The following LINGO2 variants were observed in gnomAD, a reference collection of about 807,000 sequenced individuals.
LINGO2 encodes the protein leucine-rich repeat and immunoglobulin-like domain-containing nogo receptor-interacting protein 2.
In LINGO2, 14 loss-of-function variants were observed where a neutral mutation model predicts 30.6. The ratio of observed to expected loss-of-function variants is 0.46; its 90% confidence interval spans 0.30 to 0.72. The LOEUF is 0.72. Among genes scored for constraint, LINGO2 ranks in the 30% least tolerant of loss-of-function variants. The pLI is 0.07. For synonymous variants in LINGO2, 317 were observed against 288.5 expected, an observed-to-expected ratio of 1.10 and a Z score of -1.00; for missense variants, 729 against 751.7, an observed-to-expected ratio of 0.97 and a Z score of 0.35.
At chr9:28,940,921 C>T in the LINGO2 span, among the ~76,000 whole-genome samples, 4 of 151,672 alleles carry the variant, frequency 2.6e-5, no homozygotes, top group African/African-American at 4.8e-5. Flanking sequence ...GTACTTTCTG[C>T]TTTAAATGCC....
intron 2 of LINGO2, among the ~76,000 whole-genome samples, chr9:28,425,371 G>C (rs1265281700): frequency 6.7e-6 from 1 of 149,186 alleles, no homozygotes; most frequent in Non-Finnish European, 1.5e-5. Context: ...ACATATATTG[G>C]CTCAATTATC....
chr9:28,920,127 G>C, the LINGO2 span, among the ~76,000 whole-genome samples: 2 of 151,982 alleles, frequency 1.3e-5, no homozygotes, highest in African/African-American at 4.8e-5. Context: ...TAGATTCTCA[G>C]AAGTGAAATT....
At chr9:28,620,183 T>C (rs890660320) in intron 1 of LINGO2, among the ~76,000 whole-genome samples, 2 of 152,100 alleles carry the variant, frequency 1.3e-5, no homozygotes, top group African/African-American at 2.4e-5. Flanking sequence ...ATACTCTGCA[T>C]TGTTTTCTTC....
At chr9:28,512,669 ATATCTATC>A (rs35627400) in intron 1 of LINGO2, among the ~76,000 whole-genome samples, 20 of 126,922 alleles carry the variant, frequency 1.6e-4, no homozygotes, top group South Asian at 1.3e-3. Flanking sequence ...ACACATATGG[ATATCTATC>A]TATCTATCTA....
intron 1 of LINGO2, among the ~76,000 whole-genome samples, chr9:28,489,732 C>A (rs1381937579): frequency 1.3e-5 from 2 of 151,122 alleles, no homozygotes; most frequent in Non-Finnish European, 3.0e-5. Flanking sequence ...TCTGTCTCGA[C>A]TAAAAAAACA....
chr9:28,863,142 T>C, the LINGO2 span, among the ~76,000 whole-genome samples: 183 of 152,248 alleles, frequency 1.2e-3, no homozygotes, highest in East Asian at 3.5e-3. Flanking sequence ...AATGTTTTTC[T>C]TGTTAAAATA....
At position 28,095,432 on chromosome 9, in the gene LINGO2, C is replaced by G. The variant is rs553245681; in HGVS notation, c.-86-83027G>C. 3.3e-5 allele frequency among the ~76,000 whole-genome samples: 5 copies of G among 152,188 alleles called. No homozygotes were observed. In the South Asian group the frequency reaches 1.0e-3, roughly 32 times the overall value. On this transcript the variant is annotated intron_variant, in intron 4 of 5. Transcript: ENST00000379992. ...ATATCTACAACTATCTGATCTTTGACAAACCTGAGGAAAACAAGCAATGGG... is the reference window on the plus strand; with the variant it reads ...ATATCTACAACTATCTGATCTTTGAGAAACCTGAGGAAAACAAGCAATGGG...
intron 1 of LINGO2, among the ~76,000 whole-genome samples, chr9:28,565,122 C>T (rs546425038): frequency 6.6e-6 from 1 of 152,256 alleles, no homozygotes; most frequent in African/African-American, 2.4e-5. Flanking sequence ...ATCTCCAACA[C>T]TTCTGAAATT....
At chr9:28,765,722 T>C in the LINGO2 span, among the ~76,000 whole-genome samples, 2 of 152,034 alleles carry the variant, frequency 1.3e-5, no homozygotes, top group African/African-American at 2.4e-5. Flanking sequence ...GTCAACATCA[T>C]GCTTCTTGAA....
intron 1 of LINGO2, among the ~76,000 whole-genome samples, chr9:28,556,902 T>A (rs1307068690): frequency 2.0e-5 from 3 of 152,106 alleles, no homozygotes; most frequent in Admixed American, 6.6e-5. Context: ...GGGGAAAGGA[T>A]TGCCTATTTA....
chr9:29,194,244 T>C, the LINGO2 span, among the ~76,000 whole-genome samples: 3 of 152,148 alleles, frequency 2.0e-5, no homozygotes, highest in African/African-American at 4.8e-5. Flanking sequence ...GCACCTCCTT[T>C]GGGGAAGCAC....
At chr9:28,082,875 G>A (rs564158901) in intron 4 of LINGO2, among the ~76,000 whole-genome samples, 1 of 152,054 alleles carries the variant, frequency 6.6e-6, no homozygotes, top group African/African-American at 2.4e-5. Context: ...AAATGTAATT[G>A]TGCAACCTTT....
At chr9:29,170,009 A>C in the LINGO2 span, among the ~76,000 whole-genome samples, 15 of 152,112 alleles carry the variant, frequency 9.9e-5, no homozygotes, top group South Asian at 4.2e-4. Flanking sequence ...AACAAACAAA[A>C]AACAACAACA....
the LINGO2 span, among the ~76,000 whole-genome samples, chr9:29,069,938 A>G: frequency 6.6e-6 from 1 of 152,082 alleles, no homozygotes; most frequent in African/African-American, 2.4e-5. Context: ...AAGAGCTCTA[A>G]AACAGCCAGG....
At chr9:29,080,482 C>G in the LINGO2 span, among the ~76,000 whole-genome samples, 78 of 152,134 alleles carry the variant, frequency 5.1e-4, 1 homozygote, top group Admixed American at 1.2e-3. Flanking sequence ...TTGCCTTCTG[C>G]TAGCTTTTGA....
At chr9:29,115,074 G>A in the LINGO2 span, among the ~76,000 whole-genome samples, 1 of 151,968 alleles carries the variant, frequency 6.6e-6, no homozygotes. Flanking sequence ...TAAAATTAAA[G>A]CTAATACCCA....
chr9:27,968,400 T>C (rs1160495021), intron 5 of LINGO2, among the ~76,000 whole-genome samples: 2 of 152,058 alleles, frequency 1.3e-5, no homozygotes, highest in Admixed American at 6.6e-5. Flanking sequence ...ATAAGAGATA[T>C]TTAATAATTT....
At chr9:28,094,484 T>C (rs181378425) in intron 4 of LINGO2, among the ~76,000 whole-genome samples, 6 of 151,916 alleles carry the variant, frequency 3.9e-5, no homozygotes, top group African/African-American at 9.7e-5. Flanking sequence ...GTATTTTGCA[T>C]GATGAAGCAA....
At chr9:29,108,247 C>A in the LINGO2 span, among the ~76,000 whole-genome samples, 1 of 152,094 alleles carries the variant, frequency 6.6e-6, no homozygotes, top group African/African-American at 2.4e-5. Flanking sequence ...ACAAGAGATA[C>A]ATCTCAGATT....
Sources: allele counts gnomAD v4.1 joint callset (sites outside exome capture counted in the v4.1 genomes callset), GRCh38; gene constraint gnomAD v4.1.1; transcripts MANE v1.5; gene names NCBI Gene and HGNC (gene_info 2026-07-23, HGNC 2026-07-21).